The following HDAC9 variants were observed in gnomAD, a reference collection of about 807,000 sequenced individuals.
HDAC9 encodes the protein histone deacetylase 9.
HDAC9 carries 41 observed loss-of-function variants against 139.4 expected under a neutral mutation model. The observed-to-expected ratio is 0.29, with a 90% CI of 0.23 to 0.38. HDAC9 has a LOEUF of 0.38. Ranked by LOEUF, HDAC9 falls within the 10% of genes least tolerant of loss-of-function variation. HDAC9 has a pLI of 1.00. For synonymous variants in HDAC9, 517 were observed against 476.2 expected (o/e 1.09, Z -1.12); for missense variants, 1,147 against 1,297.0 (o/e 0.88, Z 1.78).
At chr7:18,162,436 T>C in intron 2 of HDAC9, 1 of 1,303,556 alleles carries the variant, frequency 7.7e-7, no homozygotes, top group South Asian at 1.4e-5. Context: ...ATTTAATTTA[T>C]GAAGGAACTT....
chr7:18,395,311 T>C (rs1786918565), intron 1 of HDAC9: 1 of 152,106 alleles, frequency 6.6e-6, no homozygotes, highest in Non-Finnish European at 1.5e-5. Flanking sequence ...CTTGACTAGG[T>C]AATTTTGAGT....
chr7:18,398,434 G>A (rs1274015673), intron 1 of HDAC9, among the ~76,000 whole-genome samples: 1 of 152,130 alleles, frequency 6.6e-6, no homozygotes, highest in Non-Finnish European at 1.5e-5. Flanking sequence ...ATTTCAGAAA[G>A]TAAAGCACTG....
chr7:18,955,527 G>C (rs1473322836), intron 24 of HDAC9, among the ~76,000 whole-genome samples: 1 of 152,082 alleles, frequency 6.6e-6, no homozygotes, highest in East Asian at 1.9e-4. Context: ...AAAATTGATT[G>C]TTCCTATGTA....
intron 1 of HDAC9, among the ~76,000 whole-genome samples, chr7:18,133,351 C>T (rs1046209513): frequency 6.6e-6 from 1 of 152,028 alleles, no homozygotes; most frequent in Non-Finnish European, 1.5e-5. Flanking sequence ...AAAAAAAAAT[C>T]CACTGAGCAT....
chr7:18,662,009 T>C (rs998478963), intron 11 of HDAC9, among the ~76,000 whole-genome samples: 1 of 152,158 alleles, frequency 6.6e-6, no homozygotes, highest in Admixed American at 6.5e-5. Flanking sequence ...AGGTCTTCTG[T>C]TAAAATGTAC....
chr7:18,636,913 C>G (rs903237778), intron 8 of HDAC9, among the ~76,000 whole-genome samples: 1 of 151,776 alleles, frequency 6.6e-6, no homozygotes, highest in African/African-American at 2.4e-5. Flanking sequence ...GTTGTTATCT[C>G]TCAGTATGAA....
chr7:18,396,500 C>T (rs933736929), intron 1 of HDAC9, among the ~76,000 whole-genome samples: 4 of 152,084 alleles, frequency 2.6e-5, no homozygotes, highest in African/African-American at 9.7e-5. Context: ...CCCCTCCCCA[C>T]CTTCTCCGTA....
chr7:18,122,762 G>C (rs1400978512), intron 1 of HDAC9, among the ~76,000 whole-genome samples: 1 of 152,044 alleles, frequency 6.6e-6, no homozygotes, highest in African/African-American at 2.4e-5. Context: ...GGGATTACAG[G>C]TGTGTGCCAC....
chr7:18,187,448 C>A (rs1219786508), intron 2 of HDAC9, among the ~76,000 whole-genome samples: 2 of 152,196 alleles, frequency 1.3e-5, no homozygotes, highest in Non-Finnish European at 2.9e-5. Flanking sequence ...TCATACTTCA[C>A]TCAGTAGTCG....
At chr7:18,098,064 A>G (rs550318022) in intron 1 of HDAC9, among the ~76,000 whole-genome samples, 5 of 152,332 alleles carry the variant, frequency 3.3e-5, no homozygotes, top group African/African-American at 1.2e-4. Context: ...TTTCTGGTCC[A>G]GAAGAATGAA....
At chr7:18,453,519 T>C (rs1793071835) in intron 1 of HDAC9, among the ~76,000 whole-genome samples, 1 of 152,150 alleles carries the variant, frequency 6.6e-6, no homozygotes, top group Non-Finnish European at 1.5e-5. Flanking sequence ...CTGAGGTTTG[T>C]CGGAAAAGAA....
chr7:18,706,011 C>T (rs1458843085), intron 12 of HDAC9, among the ~76,000 whole-genome samples: 1 of 151,904 alleles, frequency 6.6e-6, no homozygotes, highest in Admixed American at 6.6e-5. Context: ...AGATTTGTGT[C>T]CTAGGAGACC....
intron 1 of HDAC9, among the ~76,000 whole-genome samples, chr7:18,148,116 T>G (rs1444823243): frequency 1.3e-5 from 2 of 152,220 alleles, no homozygotes; most frequent in Admixed American, 1.3e-4. Flanking sequence ...GTTGGGTCAC[T>G]TACTAGTTTC....
At chr7:18,502,229 A>G (rs1279769083) in intron 2 of HDAC9, 3 of 152,230 alleles carry the variant, frequency 2.0e-5, no homozygotes, top group African/African-American at 7.2e-5. Flanking sequence ...CAAAGAGGGG[A>G]AACTGCTGTC....
intron 21 of HDAC9, among the ~76,000 whole-genome samples, chr7:18,843,583 A>G (rs189710722): frequency 5.1e-4 from 77 of 152,264 alleles, no homozygotes; most frequent in African/African-American, 1.1e-3. Flanking sequence ...CTCTCGCTCA[A>G]TTAAAAGTTA....
chr7:18,649,381 C>G (rs1788532311), intron 11 of HDAC9, among the ~76,000 whole-genome samples: 2 of 152,222 alleles, frequency 1.3e-5, no homozygotes. Flanking sequence ...GACAGTTTTT[C>G]CACTACTTTT....
At chr7:18,601,481 T>C (rs1475824939) in intron 6 of HDAC9, among the ~76,000 whole-genome samples, 1 of 152,122 alleles carries the variant, frequency 6.6e-6, no homozygotes, top group Non-Finnish European at 1.5e-5. Flanking sequence ...TCATGTCTTA[T>C]TGCACTAGCT....
chr7:18,615,370 C>G (rs1420082821), intron 6 of HDAC9, among the ~76,000 whole-genome samples: 1 of 151,864 alleles, frequency 6.6e-6, no homozygotes, highest in African/African-American at 2.4e-5. Flanking sequence ...TGTAAAACAA[C>G]AGCAACAAAA....
chr7:18,697,312 A>G lies in HDAC9; in HGVS notation c.1732-30268A>G, dbSNP rs4719537. On this transcript the variant is annotated intron_variant, in intron 12 of 25. Transcript: ENST00000686413. ...ATGGCCTATGTGTTTTCTTCCTTTT[A>G]TTTTTTTTAAATCAGGAATGCATGA... Among the ~76,000 whole-genome samples the G allele has an allele frequency of 1.3e-3, 198 of 152,022 alleles. 1 individual carries two copies. Among genetic ancestry groups the G allele is most frequent in the Middle Eastern group, 3.4e-3 (1 of 292 alleles).
Sources: gnomAD v4.1 joint callset for allele counts (sites outside exome capture counted in the v4.1 genomes callset) on GRCh38, gnomAD v4.1.1 for gene constraint, MANE v1.5 for transcripts, NCBI Gene and HGNC (gene_info 2026-07-23, HGNC 2026-07-21) for gene names.